RCC2: variants seen among roughly 807,000 people sequenced by gnomAD.
The protein encoded by RCC2 is protein RCC2.
RCC2 carries 19 observed loss-of-function variants against 64.1 expected under a neutral mutation model. The observed-to-expected ratio is 0.30, with a 90% CI of 0.21 to 0.44. The LOEUF is 0.44. RCC2 is among the 20% of genes least tolerant of loss of function. The pLI, the probability that RCC2 is intolerant of heterozygous loss-of-function variation, is 1.00. For synonymous variants in RCC2, 325 were observed against 279.6 expected (o/e 1.16, Z -1.62); for missense variants, 508 against 710.4 (o/e 0.72, Z 3.24).
chr1:17,423,154 C>A (rs2075573822), intron 4 of RCC2, among the ~76,000 whole-genome samples: 1 of 152,188 alleles, frequency 6.6e-6, no homozygotes, highest in Non-Finnish European at 1.5e-5. Flanking sequence ...GGCATGCTCG[C>A]AGAAACACGC....
chr1:17,420,849 A>G (rs768122567), intron 6 of RCC2, 21 bp from the exon 7 acceptor site: 38 of 1,522,026 alleles, frequency 2.5e-5, no homozygotes, highest in Non-Finnish European at 3.4e-5. Flanking sequence ...AAGAAAGGAG[A>G]CTTTCATTTT....
At position 17,408,885 on chromosome 1, in the gene RCC2, A is replaced by G. The variant is rs541787761; in HGVS notation, c.*205T>C. 133 of 499,538 alleles carry G rather than the reference A, an allele frequency of 2.7e-4. No individual in the cohort carries two copies. Among genetic ancestry groups the G allele is most frequent in the African/African-American group, 1.9e-3 (97 of 52,192 alleles). 30.9% of individuals were successfully genotyped at this position (499,538 alleles called of 1,614,324 possible). A position where few individuals can be genotyped will look rare whatever the true frequency, so the allele number is the denominator to read the frequency against. ...AAGTATTTTAATTCAACATTAAGGG[A>G]AAAAAAAGGACTTTGGAAAGCATAC... On this transcript the variant is annotated 3_prime_UTR_variant, in exon 13 of 13. Coordinates refer to ENST00000375436, the MANE Select transcript of RCC2 (RefSeq NM_018715.4).
At position 17,438,357 on chromosome 1, in the gene RCC2, T is replaced by TCGC. The variant is rs1459849500; in HGVS notation, c.155_157dup (p.Gly52dup). 4.0e-6 allele frequency: 5 copies of TCGC among 1,239,414 alleles called. No homozygotes were observed. The East Asian group carries it at 1.0e-4, about 26-fold the overall frequency. 76.8% of individuals were successfully genotyped at this position (1,239,414 alleles called of 1,614,324 possible). A position where few individuals can be genotyped will look rare whatever the true frequency, so the allele number is the denominator to read the frequency against. On this transcript the variant is annotated inframe_insertion, in exon 2 of 13. Coordinates refer to ENST00000375436, the MANE Select transcript of RCC2 (RefSeq NM_018715.4). Reference sequence around the variant, plus strand: ...CCCGTCGAGCTCCAGGCCGTCCTCGTCGCCGCTGCTGCCGCCGCCGCTGCT... The same window carrying TCGC: ...CCCGTCGAGCTCCAGGCCGTCCTCGTCGCCGCCGCTGCTGCCGCCGCCGCTGCT...
chr1:17,419,260 G>A (rs893327790), intron 7 of RCC2, among the ~76,000 whole-genome samples: 1 of 152,164 alleles, frequency 6.6e-6, no homozygotes, highest in Non-Finnish European at 1.5e-5. Context: ...TTGGGAGACC[G>A]AGGCAGGAGA....
rs566232151 is a variant in RCC2, at chr1:17,412,070, A to G, written c.1386+52T>C. Reference sequence around the variant, plus strand: ...AGGTGGAGAGAACCCAAAGGCCATGAGCCACCCTGACTGGCTTCCACTTCC... The same window carrying G: ...AGGTGGAGAGAACCCAAAGGCCATGGGCCACCCTGACTGGCTTCCACTTCC... On this transcript the variant is annotated intron_variant, in intron 11 of 12. Coordinates refer to ENST00000375436, the MANE Select transcript of RCC2 (RefSeq NM_018715.4). 3.9e-4 allele frequency: 591 copies of G among 1,530,644 alleles called. 4 individuals carry two copies. In the South Asian group the frequency reaches 6.2e-3, roughly 16 times the overall value. 94.8% of individuals were successfully genotyped at this position (1,530,644 alleles called of 1,614,324 possible).
intron 2 of RCC2, among the ~76,000 whole-genome samples, chr1:17,430,615 G>A (rs543645628): frequency 1.8e-4 from 28 of 152,130 alleles, no homozygotes; most frequent in South Asian, 1.2e-3. Flanking sequence ...GTAAAACCCC[G>A]TCTCTACTAA....
At chr1:17,409,643 T>A (rs1176085300) in intron 12 of RCC2, among the ~76,000 whole-genome samples, 2 of 152,236 alleles carry the variant, frequency 1.3e-5, no homozygotes, top group African/African-American at 4.8e-5. Flanking sequence ...TCTGTGGACC[T>A]GCGGACCTGC....
At position 17,426,224 on chromosome 1, in the gene RCC2, CTCTT is replaced by C. The variant is rs112202328; in HGVS notation, c.380-544_380-541del. 3.5e-3 allele frequency among the ~76,000 whole-genome samples: 538 copies of C among 152,228 alleles called. 3 individuals carry two copies. The highest frequency in any genetic ancestry group is 0.012 in the African/African-American group (508 of 41,516). On this transcript the variant is annotated intron_variant, in intron 3 of 12. Coordinates refer to ENST00000375436, the MANE Select transcript of RCC2 (RefSeq NM_018715.4). ...CCGGCCTTCACCCTGGGCCAGAAGG[CTCTT>C]TCTGAGGGGTGACCCGAGTGTCCTG...
At chr1:17,413,001 C>A (rs2075443514) in intron 10 of RCC2, 72 bp downstream of exon 10, 3 of 1,128,376 alleles carry the variant, frequency 2.7e-6, no homozygotes, top group Admixed American at 1.9e-5. Flanking sequence ...CAGGGAGGGG[C>A]ACCCCATGGG....
intron 4 of RCC2, among the ~76,000 whole-genome samples, chr1:17,423,797 A>C (rs192005817): frequency 5.0e-4 from 76 of 152,360 alleles, no homozygotes; most frequent in Non-Finnish European, 2.5e-4. Context: ...GGGTTTTGCA[A>C]CCTTCTCCAG....
chr1:17,439,028 T>C (rs2075776621), intron 1 of RCC2, among the ~76,000 whole-genome samples: 1 of 149,142 alleles, frequency 6.7e-6, no homozygotes, highest in Admixed American at 6.7e-5. Context: ...TGCAACGCTC[T>C]CCCCCACCCC....
At chr1:17,438,131 G>A (rs113663016) in intron 2 of RCC2, 99 bp downstream of exon 2, 340,281 of 917,966 alleles carry the variant, frequency 0.37, 63,814 homozygotes, top group African/African-American at 0.42. Flanking sequence ...GAGGGAGCGT[G>A]ACGCGAGGCG....
chr1:17,437,669 G>A (rs1172764229), intron 2 of RCC2, among the ~76,000 whole-genome samples: 1 of 2,888 alleles, frequency 3.5e-4, no homozygotes, highest in Non-Finnish European at 8.9e-4. Flanking sequence ...GGAGGGCTCT[G>A]CGGAGCATGC....
At chr1:17,430,959 C>T (rs1337700365) in intron 2 of RCC2, among the ~76,000 whole-genome samples, 1 of 151,818 alleles carries the variant, frequency 6.6e-6, no homozygotes, top group Admixed American at 6.6e-5. Context: ...CGCAGGTGAT[C>T]CACCCACCTT....
chr1:17,428,328 A>G (rs1002803309), intron 3 of RCC2, among the ~76,000 whole-genome samples: 4 of 152,248 alleles, frequency 2.6e-5, no homozygotes, highest in Admixed American at 2.0e-4. Flanking sequence ...GGCATTTTCC[A>G]AACAACGCGC....
In RCC2 at chr1:17,438,393, C is replaced by A. The variant is rs1570218478; in HGVS notation, c.122G>T (p.Arg41Leu). Reference protein sequence around the residue: ...PAGRKRERPERCSSSSGGGSS... With the variant: ...PAGRKRERPELCSSSSGGGSS... ...GCCGCCGCCGCTGCTGCTACTGCAG[C>A]GCTCGGGCCGCTCGCGCTTCCTGCC... is the stretch of plus-strand genomic sequence containing the variant. Residue 41 changes from arginine to leucine, a missense_variant, in exon 2 of 13, where the codon CGC becomes CTC. Coordinates refer to ENST00000375436, the MANE Select transcript of RCC2 (RefSeq NM_018715.4). The A allele has an allele frequency of 8.0e-7, 1 of 1,256,778 alleles. No individual in the cohort carries two copies. The highest frequency in any genetic ancestry group is 4.2e-5 in the Admixed American group (1 of 23,592). The allele number at this position is 1,256,778 out of a possible 1,614,324, so 77.9% of individuals were successfully genotyped here. A position where few individuals can be genotyped will look rare whatever the true frequency, so the allele number is the denominator to read the frequency against.
intron 7 of RCC2, 31 bp from the exon 8 acceptor site, chr1:17,416,677 G>C: frequency 6.3e-7 from 1 of 1,588,710 alleles, no homozygotes; most frequent in Non-Finnish European, 8.6e-7. Context: ...GCCATCAGCA[G>C]CAGCACAAGC....
chr1:17,414,974 G>T (rs1312441811), intron 8 of RCC2, among the ~76,000 whole-genome samples: 1 of 152,122 alleles, frequency 6.6e-6, no homozygotes, highest in African/African-American at 2.4e-5. Flanking sequence ...CCTGTACCTG[G>T]TCACTGATGA....
intron 2 of RCC2, among the ~76,000 whole-genome samples, chr1:17,431,359 A>AAAAATATATATATATATATATATAT (rs1553158471): frequency 2.2e-5 from 1 of 44,932 alleles, no homozygotes; most frequent in Non-Finnish European, 3.8e-5. Flanking sequence ...AAAAAAAAAA[A>AAAAATATATATATATATATATATAT]ATATATATAT....
Sources: allele counts gnomAD v4.1 joint callset (sites outside exome capture counted in the v4.1 genomes callset), GRCh38; gene constraint gnomAD v4.1.1; transcripts MANE v1.5; gene names NCBI Gene and HGNC (gene_info 2026-07-23, HGNC 2026-07-21).